The following NT5C2 variants were observed in gnomAD, a reference collection of about 807,000 sequenced individuals.
NT5C2 encodes cytosolic purine 5'-nucleotidase.
In NT5C2, 58 loss-of-function variants were observed where a neutral mutation model predicts 76.1. The ratio of observed to expected loss-of-function variants is 0.76; its 90% CI spans 0.62 to 0.95. The LOEUF (loss-of-function observed/expected upper bound fraction) is 0.95, where lower values mean the gene tolerates loss of function less well. NT5C2 is among the 40% of genes least tolerant of loss of function. The pLI, the probability that NT5C2 is intolerant of heterozygous loss-of-function variation, is 0.00. For missense variants in NT5C2, 478 were observed against 690.3 expected (o/e 0.69, Z 3.45); for synonymous variants, 229 against 237.4 (o/e 0.96, Z 0.32).
chr10:103,145,874 AAATATT>A (rs1182546573), intron 3 of NT5C2, among the ~76,000 whole-genome samples: 2 of 152,206 alleles, frequency 1.3e-5, no homozygotes, highest in Admixed American at 6.5e-5. Context: ...AAGTAAATAT[AAATATT>A]AACCATAAGA....
chr10:103,163,118 C>T (rs1453309187), intron 3 of NT5C2, among the ~76,000 whole-genome samples: 1 of 152,216 alleles, frequency 6.6e-6, no homozygotes, highest in Non-Finnish European at 1.5e-5. Context: ...CTATGTATCA[C>T]TAGTTCATTA....
intron 3 of NT5C2, chr10:103,153,291 C>A: frequency 1.6e-6 from 2 of 1,279,596 alleles, no homozygotes; most frequent in Non-Finnish European, 2.0e-6. Context: ...AATCACTTAC[C>A]CTTCCTTAGA....
At chr10:103,099,807 G>A (rs187183289) in intron 9 of NT5C2, 119 bp downstream of exon 9, 33 of 610,506 alleles carry the variant, frequency 5.4e-5, no homozygotes, top group Admixed American at 8.2e-5. Context: ...ACTAGGCGGG[G>A]GCAAATCTGT....
At chr10:103,192,877 G>A (rs2135628947) in intron 1 of NT5C2, among the ~76,000 whole-genome samples, 1 of 152,340 alleles carries the variant, frequency 6.6e-6, no homozygotes, top group East Asian at 1.9e-4. Context: ...GGGGGGAAGA[G>A]GGCGGAACGC....
intron 4 of NT5C2, among the ~76,000 whole-genome samples, chr10:103,129,563 G>T (rs1198510275): frequency 3.2e-5 from 4 of 123,390 alleles, no homozygotes; most frequent in Non-Finnish European, 3.6e-5. Context: ...CGCCCCGTCC[G>T]GGAGGGAGGT....
intron 3 of NT5C2, among the ~76,000 whole-genome samples, chr10:103,171,135 AGG>A (rs1027023622): frequency 1.3e-5 from 2 of 152,160 alleles, no homozygotes; most frequent in Non-Finnish European, 2.9e-5. Flanking sequence ...TCACTTTTTC[AGG>A]GTTTAAGGAG....
chr10:103,100,599 A>T (rs2069336102), intron 8 of NT5C2: 11 of 449,394 alleles, frequency 2.4e-5, no homozygotes, highest in South Asian at 1.7e-4. Context: ...TTTACTTCTG[A>T]TAAGATACAC....
rs1214472847 is a variant in NT5C2, at chr10:103,094,027, C to T, written c.933G>A (p.Lys311=). Residue 311 remains lysine, a synonymous_variant, in exon 14 of 19, where the codon AAG becomes AAA. Coordinates refer to ENST00000404739, the MANE Select transcript of NT5C2 (RefSeq NM_001351169.2). ...GCCCTGTGTAGGTACCAATTTTCAGCTTGCCAGTTTTCTGTATGAAGAATA... is the reference window on the plus strand; with the variant it reads ...GCCCTGTGTAGGTACCAATTTTCAGTTTGCCAGTTTTCTGTATGAAGAATA... The part of the protein sequence containing the change: ...VLRQVDTKTG[K]LKIGTYTGPL... The T allele has an allele frequency of 6.2e-7, 1 of 1,613,594 alleles. No individual in the cohort carries two copies. The highest frequency in any genetic ancestry group is 8.5e-7 in the Non-Finnish European group (1 of 1,179,544).
In NT5C2 at chr10:103,105,753, G is replaced by A; in HGVS notation, c.342C>T (p.Ala114=). The A allele has an allele frequency of 6.2e-7, 1 of 1,613,390 alleles. No individual in the cohort carries two copies. Among genetic ancestry groups the A allele is most frequent in the Non-Finnish European group, 8.5e-7 (1 of 1,179,554 alleles). ...GTGCACAGACCAAGAGGTTTCCATAGGCATCGACTTTCAAAAGATTTCCAT... is the reference window on the plus strand; with the variant it reads ...GTGCACAGACCAAGAGGTTTCCATAAGCATCGACTTTCAAAAGATTTCCAT... ...TLYGNLLKVD[A]YGNLLVCAHG... The change falls in exon 6 of 19, where the codon GCC becomes GCT. Residue 114 remains alanine, a synonymous_variant. Transcript: ENST00000404739.
At chr10:103,165,196 G>A (rs1000061595) in intron 3 of NT5C2, among the ~76,000 whole-genome samples, 6 of 152,102 alleles carry the variant, frequency 3.9e-5, no homozygotes, top group Non-Finnish European at 5.9e-5. Flanking sequence ...CTGGGCTCAA[G>A]AAATCCACCT....
At chr10:103,132,938 T>C (rs1299298799) in intron 4 of NT5C2, among the ~76,000 whole-genome samples, 2 of 152,088 alleles carry the variant, frequency 1.3e-5, no homozygotes, top group African/African-American at 4.8e-5. Context: ...TGTGAATGAA[T>C]CATAAAAACA....
rs1011542454 is a variant in NT5C2 at position 103,089,922 on chromosome 10, A to C, written c.1450-14T>G. 6.4e-7 allele frequency: 1 copy of C among 1,569,514 alleles called. No individual in the cohort carries two copies. The highest frequency in any genetic ancestry group is 8.6e-7 in the Non-Finnish European group (1 of 1,156,772). ...TTCATGAGGCATCTAGACAGAAAAA[A>C]GCTAGAGGCTCAGAAAGCAGGCAGA... On this transcript the variant is annotated splice_polypyrimidine_tract_variant and intron_variant, in intron 18 of 18. Coordinates refer to ENST00000404739, the MANE Select transcript of NT5C2 (RefSeq NM_001351169.2).
At chr10:103,105,587 G>C in intron 6 of NT5C2, 119 bp downstream of exon 6, 1 of 693,954 alleles carries the variant, frequency 1.4e-6, no homozygotes, top group Admixed American at 2.7e-5. Context: ...TTATGTAAGG[G>C]AATTTGCTCT....
chr10:103,172,251 T>A (rs1402159632), intron 3 of NT5C2, among the ~76,000 whole-genome samples: 1 of 151,064 alleles, frequency 6.6e-6, no homozygotes, highest in Non-Finnish European at 1.5e-5. Flanking sequence ...CTTTAAATTT[T>A]TTTTTTTTTT....
intron 3 of NT5C2, chr10:103,153,217 T>G: frequency 9.2e-7 from 1 of 1,092,590 alleles, no homozygotes; most frequent in Non-Finnish European, 1.2e-6. Context: ...CACTGCTTAT[T>G]AATCTTTTAA....
At chr10:103,186,157 C>T (rs555329466) in intron 1 of NT5C2, among the ~76,000 whole-genome samples, 1 of 152,284 alleles carries the variant, frequency 6.6e-6, no homozygotes, top group Admixed American at 6.5e-5. Flanking sequence ...ACACTGCCTG[C>T]GTTCAAAACC....
intron 4 of NT5C2, among the ~76,000 whole-genome samples, chr10:103,129,485 G>GC (rs1203296129): frequency 4.5e-5 from 5 of 109,980 alleles, no homozygotes; most frequent in Admixed American, 2.6e-4. Flanking sequence ...GGGGGGGTCA[G>GC]CCCCCCCACC....
At position 103,094,948 on chromosome 10, in the gene NT5C2, ATAAT is replaced by A. The variant is rs950891671; in HGVS notation, c.814-497_814-494del. Among the ~76,000 whole-genome samples the A allele has an allele frequency of 8.1e-5, 12 of 148,192 alleles. 1 individual carries two copies. Among genetic ancestry groups the A allele is most frequent in the Admixed American group, 5.4e-4 (8 of 14,874 alleles). Reference sequence around the variant, plus strand: ...CCTTTGGGAAGCAGACAAGATATAAATAATAAATAACTGTAATAACACATTCTAT... The same window carrying A: ...CCTTTGGGAAGCAGACAAGATATAAAAAATAACTGTAATAACACATTCTAT... On this transcript the variant is annotated intron_variant, in intron 12 of 18. Coordinates refer to ENST00000404739, the MANE Select transcript of NT5C2 (RefSeq NM_001351169.2).
At chr10:103,141,321 G>A (rs955870710) in intron 3 of NT5C2, among the ~76,000 whole-genome samples, 1 of 152,088 alleles carries the variant, frequency 6.6e-6, no homozygotes, top group Non-Finnish European at 1.5e-5. Context: ...AGCTGGGGAT[G>A]GTGGTGTGCA....
Sources: gnomAD v4.1 joint callset for allele counts (sites outside exome capture counted in the v4.1 genomes callset) on GRCh38, gnomAD v4.1.1 for gene constraint, MANE v1.5 for transcripts, NCBI Gene and HGNC (gene_info 2026-07-23, HGNC 2026-07-21) for gene names.